The following LTK variants were observed in gnomAD, a reference collection of about 807,000 sequenced individuals.
LTK encodes the protein leukocyte receptor tyrosine kinase.
LTK carries 117 observed loss-of-function variants against 101.5 expected under a neutral mutation model. The ratio of observed to expected loss-of-function variants is 1.15; its 90% confidence interval spans 0.99 to 1.34. The LOEUF (loss-of-function observed/expected upper bound fraction) is 1.34. Among genes scored for constraint, LTK ranks in the 40% most tolerant of loss-of-function variants. The pLI is 0.00. For missense variants in LTK, 1,252 were observed against 1,164.7 expected, an observed-to-expected ratio of 1.07 and a Z score of -1.09; for synonymous variants, 563 against 494.2, an observed-to-expected ratio of 1.14 and a Z score of -1.85.
At position 41,511,957 on chromosome 15, in the gene LTK, G is replaced by C; in HGVS notation, c.517C>G (p.Pro173Ala). ...QGEDACPGGS[P>A]ESQLVCLGES... is the part of the protein sequence containing the mutation. ...CCGAGGCAGACGAGCTGGCTCTCCGGGCTACCCTGCGGGCAGCGGGGGAGG... is the reference window on the plus strand; with the variant it reads ...CCGAGGCAGACGAGCTGGCTCTCCGCGCTACCCTGCGGGCAGCGGGGGAGG... Residue 173 changes from proline to alanine, a missense_variant, in exon 5 of 20, where the codon CCG becomes GCG. Transcript: ENST00000263800. The surrounding 1 kb of genome is among the most constrained non-coding windows in gnomAD (Gnocchi z 5.9). 6.7e-7 allele frequency: 1 copy of C among 1,483,572 alleles called. No homozygotes were observed. The highest frequency in any genetic ancestry group is 8.8e-7 in the Non-Finnish European group (1 of 1,130,044). The allele number at this position is 1,483,572 out of a possible 1,614,324, so 91.9% of individuals were successfully genotyped here. A position where few individuals can be genotyped will look rare whatever the true frequency, so the allele number is the denominator to read the frequency against.
At position 41,504,649 on chromosome 15, in the gene LTK, C is replaced by T. The variant is rs760500650; in HGVS notation, c.2121-9G>A. 6.2e-7 allele frequency: 1 copy of T among 1,611,762 alleles called. No homozygotes were observed. The highest frequency in any genetic ancestry group is 1.3e-5 in the African/African-American group (1 of 74,926). On this transcript the variant is annotated splice_polypyrimidine_tract_variant and intron_variant, in intron 17 of 19. Coordinates refer to ENST00000263800, the MANE Select transcript of LTK (RefSeq NM_002344.6). Reference sequence around the variant, plus strand: ...GCAGCACCCCAAAAGACCTGCATCACAAGTGGGGGAACCAAGTGAGGCCCG... The same window carrying T: ...GCAGCACCCCAAAAGACCTGCATCATAAGTGGGGGAACCAAGTGAGGCCCG...
Position 41,505,938 on chromosome 15 carries a change from T to C in LTK, c.1609A>G (p.Ser537Gly), listed in dbSNP as rs771618007. The change falls in exon 12 of 20, where the codon AGT (serine) becomes GGT (glycine). Residue 537 changes from serine (S) to glycine (G), a missense_variant. By Grantham distance (56) the Ser-to-Gly change is moderately conservative (BLOSUM62 0). Transcript: ENST00000263800. ...GLVIGLPGDS[S>G]PLQVAIKTLP... ...ACCTTGATAGCTACCTGCAGGGGACTGGAGTCCCCAGGAAGGCCAATTACC... is the reference window on the plus strand; with the variant it reads ...ACCTTGATAGCTACCTGCAGGGGACCGGAGTCCCCAGGAAGGCCAATTACC... The C allele has an allele frequency of 6.2e-7, 1 of 1,613,926 alleles. No individual in the cohort carries two copies. The highest frequency in any genetic ancestry group is 8.5e-7 in the Non-Finnish European group (1 of 1,179,866).
intron 1 of LTK, 27 bp from the exon 2 acceptor site, chr15:41,513,147 G>A: frequency 6.4e-7 from 1 of 1,564,800 alleles, no homozygotes; most frequent in Admixed American, 2.1e-5. Flanking sequence ...GAAGGCGCAG[G>A]ACGTTAAGGC....
intron 4 of LTK, 58 bp downstream of exon 4, chr15:41,512,057 C>T: frequency 6.6e-7 from 1 of 1,511,946 alleles, no homozygotes; most frequent in South Asian, 1.2e-5. Flanking sequence ...TCCCCCGGCC[C>T]CCAGGCAGCC....
intron 11 of LTK, among the ~76,000 whole-genome samples, chr15:41,506,255 G>A (rs2051278834): frequency 6.6e-6 from 1 of 152,230 alleles, no homozygotes; most frequent in Non-Finnish European, 1.5e-5. Flanking sequence ...GGACTTCCCT[G>A]GTCCCTGCAG....
rs775590831 is a variant in LTK, at chr15:41,511,822, A to T, written c.652T>A (p.Phe218Ile). Residue 218 changes from phenylalanine (F) to isoleucine (I), a missense_variant, in exon 5 of 20, where the codon TTC becomes ATC. Phe to Ile is a conservative substitution (Grantham distance 21, BLOSUM62 0). Coordinates refer to ENST00000263800, the MANE Select transcript of LTK (RefSeq NM_002344.6). The surrounding 1 kb of genome is among the most constrained non-coding windows in gnomAD (Gnocchi z 5.9). ...GGGGGGATYV[F>I]RVRAGELEPL... ...GCGCCGAAGGGAGCACGTACCCGGA[A>T]AACGTAGGTGGCGCCCCCGCCACCC... The T allele has an allele frequency of 7.2e-5, 107 of 1,490,464 alleles. No individual in the cohort carries two copies. The South Asian group carries it at 1.3e-3, about 18-fold the overall frequency. The allele number at this position is 1,490,464 out of a possible 1,614,324, so 92.3% of individuals were successfully genotyped here. A position where few individuals can be genotyped will look rare whatever the true frequency, so the allele number is the denominator to read the frequency against.
intron 16 of LTK, 36 bp downstream of exon 16, chr15:41,504,936 T>TGGAGCA (rs1453127369): frequency 5.0e-6 from 8 of 1,599,570 alleles, no homozygotes; most frequent in Non-Finnish European, 6.8e-6. Context: ...AAAACCCCCT[T>TGGAGCA]GGAGCAAGAG....
Position 41,509,143 on chromosome 15 carries a change from G to C in LTK, c.998-14C>G, listed in dbSNP as rs779964964. On this transcript the variant is annotated splice_polypyrimidine_tract_variant and intron_variant, in intron 7 of 19. Coordinates refer to ENST00000263800, the MANE Select transcript of LTK (RefSeq NM_002344.6). ...AAGCGTCGCCCCCTGGAAGTGGAGA[G>C]TGATGGAGAGTTTGACTACAAAAAT... 3 of 1,528,254 alleles carry C rather than the reference G, an allele frequency of 2.0e-6. No homozygotes were observed. Among genetic ancestry groups the C allele is most frequent in the Non-Finnish European group, 2.7e-6 (3 of 1,101,910 alleles). The allele number at this position is 1,528,254 out of a possible 1,614,324, so 94.7% of individuals were successfully genotyped here.
At chr15:41,504,665 G>C in intron 17 of LTK, 25 bp from the exon 18 acceptor site, 1 of 1,610,414 alleles carries the variant, frequency 6.2e-7, no homozygotes, top group Non-Finnish European at 8.5e-7. Flanking sequence ...GGGGAACCAA[G>C]TGAGGCCCGT....
chr15:41,507,266 A>G lies in LTK; in HGVS notation c.1370T>C (p.Leu457Pro). ...AGGGCTCGGCAGCCTCATCTCCTGC[A>G]GGCCCTGCCACTTCTTCTGCTTCAC... ...ILVKQKKWQG[L>P]QEMRLPSPEL... Residue 457 changes from leucine to proline, a missense_variant, in exon 11 of 20, where the codon CTG becomes CCG. By Grantham distance (98) the Leu-to-Pro change is moderately conservative. Transcript: ENST00000263800. 2 of 1,599,350 alleles carry G rather than the reference A, an allele frequency of 1.3e-6. No homozygotes were observed. The highest frequency in any genetic ancestry group is 1.7e-6 in the Non-Finnish European group (2 of 1,174,188).
intron 9 of LTK, 22 bp downstream of exon 9, chr15:41,508,047 C>T (rs756035943): frequency 1.3e-6 from 2 of 1,571,336 alleles, no homozygotes. Flanking sequence ...GAGTCCAGAC[C>T]TTGGGCAAAG....
At position 41,512,320 on chromosome 15, in the gene LTK, G is replaced by A. The variant is rs1228408846; in HGVS notation, c.360-55C>T. 5 of 1,567,132 alleles carry A rather than the reference G, an allele frequency of 3.2e-6. No homozygotes were observed. In the East Asian group the frequency reaches 6.8e-5, roughly 21 times the overall value. ...CTTCGGTGCTCAGGCCGGCCGCTCC[G>A]GGCAGAAGTTGGCGACAGAGGAGGC... On this transcript the variant is annotated intron_variant, in intron 3 of 19. Transcript: ENST00000263800.
chr15:41,508,146 C>A lies in LTK; in HGVS notation c.1172G>T (p.Trp391Leu). ...TTCAGCCAGCTGGAGCTCTGCCTGC[C>A]ATTGGCAGTCTCTCAAAGGGCAGTG... is the stretch of plus-strand genomic sequence containing the variant. ...CSHCPLRDCQ[W>L]QAELQLAECL... The change falls in exon 9 of 20, where the codon TGG becomes TTG. Residue 391 changes from tryptophan to leucine, a missense_variant. Transcript: ENST00000263800. 6.2e-7 allele frequency: 1 copy of A among 1,613,600 alleles called. No individual in the cohort carries two copies. The highest frequency in any genetic ancestry group is 8.5e-7 in the Non-Finnish European group (1 of 1,179,822).
chr15:41,513,149 C>G, intron 1 of LTK, 29 bp from the exon 2 acceptor site: 1 of 1,559,288 alleles, frequency 6.4e-7, no homozygotes, highest in Non-Finnish European at 8.6e-7. Flanking sequence ...AGGCGCAGGA[C>G]GTTAAGGCGG....
chr15:41,506,963 G>T, intron 11 of LTK, 132 bp downstream of exon 11: 1 of 769,038 alleles, frequency 1.3e-6, no homozygotes. Context: ...GAGCTTCTCA[G>T]GGCCTCCCTC....
In LTK at chr15:41,512,719, G is replaced by C; in HGVS notation, c.347C>G (p.Pro116Arg). 1 of 1,594,338 alleles carries C rather than the reference G, an allele frequency of 6.3e-7. No homozygotes were observed. Among genetic ancestry groups the C allele is most frequent in the Non-Finnish European group, 8.5e-7 (1 of 1,172,914 alleles). Reference protein sequence around the residue: ...RGVQLWRVPGPGQYLISAYGA... With the variant: ...RGVQLWRVPGRGQYLISAYGA... The stretch of plus-strand genomic sequence containing the variant: ...GCCGTGCACTTACAGATACTGGCCA[G>C]GGCCCGGCACGCGCCACAGCTGCAC... The change falls in exon 3 of 20, where the codon CCT becomes CGT. Residue 116 changes from proline (P) to arginine (R), a missense_variant. Coordinates refer to ENST00000263800, the MANE Select transcript of LTK (RefSeq NM_002344.6).
In LTK at chr15:41,511,901, C is replaced by A; in HGVS notation, c.573G>T (p.Ala191=). ...CCGGGACCCCTTCGCTCCCATCCAT[C>A]GCCGCGTGCTCTTCAACGGCTCGAG... The part of the protein sequence containing the change: ...GESRAVEEHA[A]MDGSEGVPGS... The change falls in exon 5 of 20, where the codon GCG becomes GCT. Residue 191 remains alanine (A), a synonymous_variant. Transcript: ENST00000263800. The surrounding 1 kb of genome is among the most constrained non-coding windows in gnomAD (Gnocchi z 5.9). The A allele has an allele frequency of 7.0e-7, 1 of 1,437,652 alleles. No homozygotes were observed. The highest frequency in any genetic ancestry group is 9.1e-7 in the Non-Finnish European group (1 of 1,101,104). 89.1% of individuals were successfully genotyped at this position (1,437,652 alleles called of 1,614,324 possible).
chr15:41,504,740 C>G (rs1487073552), intron 17 of LTK, 33 bp downstream of exon 17: 1 of 1,482,518 alleles, frequency 6.7e-7, no homozygotes, highest in Non-Finnish European at 9.3e-7. Context: ...GGGAGGGGAA[C>G]AGTGGGGAAG....
intron 7 of LTK, among the ~76,000 whole-genome samples, chr15:41,510,660 C>G (rs149506015): frequency 6.6e-6 from 1 of 152,140 alleles, no homozygotes; most frequent in Non-Finnish European, 1.5e-5. Flanking sequence ...CAGGGTTTCA[C>G]AGGTTGGCCA....
Sources: gnomAD v4.1 joint callset for allele counts (sites outside exome capture counted in the v4.1 genomes callset) on GRCh38, gnomAD v4.1.1 for gene constraint, Gnocchi (gnomAD v3.1) non-coding constraint, MANE v1.5 for transcripts, NCBI Gene and HGNC (gene_info 2026-07-23, HGNC 2026-07-21) for gene names.